ATAT1: variants seen among roughly 807,000 people sequenced by gnomAD.
The protein encoded by ATAT1 is alpha tubulin acetyltransferase 1.
In ATAT1, 42 loss-of-function variants were observed where a neutral mutation model predicts 57.2. The ratio of observed to expected loss-of-function variants is 0.73; its 90% CI spans 0.57 to 0.95. The LOEUF is 0.95. Among genes scored for constraint, ATAT1 ranks in the 40% least tolerant of loss-of-function variants. The pLI, the probability that ATAT1 is intolerant of heterozygous loss-of-function variation, is 0.00. For synonymous variants in ATAT1, 168 were observed against 187.1 expected, an observed-to-expected ratio of 0.90 and a Z score of 0.83; for missense variants, 454 against 523.7, an observed-to-expected ratio of 0.87 and a Z score of 1.30.
intron 6 of ATAT1, among the ~76,000 whole-genome samples, chr6:30,631,819 C>G (rs1762944774): frequency 6.6e-6 from 1 of 152,122 alleles, no homozygotes; most frequent in Middle Eastern, 3.4e-3. Flanking sequence ...CAAGAAATAT[C>G]TGGAGAGAGA....
chr6:30,642,016 T>G, intron 8 of ATAT1, 160 bp from the exon 9 acceptor site: 1 of 1,501,840 alleles, frequency 6.7e-7, no homozygotes, highest in Non-Finnish European at 8.9e-7. Flanking sequence ...CAAATTCCCT[T>G]TTGGTGTGCT....
intron 9 of ATAT1, 21 bp downstream of exon 9, chr6:30,642,268 G>A: frequency 6.2e-7 from 1 of 1,614,096 alleles, no homozygotes; most frequent in Non-Finnish European, 8.5e-7. Flanking sequence ...CAAGGGTCGG[G>A]TGTCTGGGCC....
chr6:30,642,681 CTT>C lies in ATAT1; in HGVS notation c.689-81_689-80del, dbSNP rs1301630014. On this transcript the variant is annotated intron_variant, in intron 9 of 12. Coordinates refer to ENST00000330083, the MANE Select transcript of ATAT1 (RefSeq NM_001031722.4). ...AAAAAAAAGAAAGACTCAGATTTCTCTTTTTTTCTACCAAAACCTTTGCTGTC... is the reference window on the plus strand; with the variant it reads ...AAAAAAAAGAAAGACTCAGATTTCTCTTTTTCTACCAAAACCTTTGCTGTC... 2.6e-5 allele frequency: 22 copies of C among 861,256 alleles called. 1 individual carries two copies. Among genetic ancestry groups the C allele is most frequent in the Middle Eastern group, 2.7e-4 (1 of 3,684 alleles). The allele number at this position is 861,256 out of a possible 1,614,324, so 53.4% of individuals were successfully genotyped here. A position where few individuals can be genotyped will look rare whatever the true frequency, so the allele number is the denominator to read the frequency against.
intron 6 of ATAT1, among the ~76,000 whole-genome samples, chr6:30,632,828 T>G (rs2127501471): frequency 6.6e-6 from 1 of 151,352 alleles, no homozygotes; most frequent in Non-Finnish European, 1.5e-5. Flanking sequence ...TCCCAGCTAC[T>G]CGGGAGACTG....
chr6:30,646,263 T>G (rs1035299855), intron 12 of ATAT1, 154 bp downstream of exon 12: 1 of 1,459,092 alleles, frequency 6.9e-7, no homozygotes, highest in Non-Finnish European at 9.1e-7. Flanking sequence ...TGCAAGCCCC[T>G]TTCCCCCACA....
intron 8 of ATAT1, among the ~76,000 whole-genome samples, chr6:30,641,128 C>A (rs998291882): frequency 6.6e-6 from 1 of 152,022 alleles, no homozygotes; most frequent in Non-Finnish European, 1.5e-5. Context: ...CACACACACA[C>A]ACACACACAA....
rs1766353877 is a variant in ATAT1, at chr6:30,644,864, G to A, written c.933-1031G>A. Among the ~76,000 whole-genome samples the A allele has an allele frequency of 5.3e-5, 8 of 152,240 alleles. No individual in the cohort carries two copies. In the South Asian group the frequency reaches 1.7e-3, roughly 32 times the overall value. ...CTGCAGATTCTGTGTCTCCTTTCATGTAGGTGCTGGATCCCTGTGTGTGGG... is the reference window on the plus strand; with the variant it reads ...CTGCAGATTCTGTGTCTCCTTTCATATAGGTGCTGGATCCCTGTGTGTGGG... On this transcript the variant is annotated intron_variant, in intron 10 of 12. Coordinates refer to ENST00000330083, the MANE Select transcript of ATAT1 (RefSeq NM_001031722.4).
chr6:30,626,886 A>G lies in ATAT1; in HGVS notation c.-318A>G. On this transcript the variant is annotated 5_prime_UTR_variant, in exon 1 of 13. Coordinates refer to ENST00000330083, the MANE Select transcript of ATAT1 (RefSeq NM_001031722.4). ...CGGGTCCGACCGCGCACAATGGGCC[A>G]TGGAGTTCCCGTTCGATGTGGACGC... The G allele has an allele frequency of 1.2e-6, 2 of 1,606,078 alleles. No homozygotes were observed. The highest frequency in any genetic ancestry group is 1.7e-6 in the Non-Finnish European group (2 of 1,177,224).
intron 6 of ATAT1, among the ~76,000 whole-genome samples, chr6:30,636,711 T>C (rs1764171822): frequency 6.6e-6 from 1 of 152,042 alleles, no homozygotes; most frequent in Non-Finnish European, 1.5e-5. Context: ...CTGGTAGACA[T>C]TACAACAAGG....
In ATAT1 at chr6:30,646,474, C is replaced by T. The variant is rs1766758644; in HGVS notation, c.1061C>T (p.Ala354Val). Residue 354 changes from alanine to valine, a missense_variant, in exon 13 of 13, where the codon GCC (alanine) becomes GTC (valine). Transcript: ENST00000330083. Reference sequence around the variant, plus strand: ...TCCATCTCCCCACCTACCAGGTCTGCCAGTGAGGAGCAGGCCTTGTCACAG... The same window carrying T: ...TCCATCTCCCCACCTACCAGGTCTGTCAGTGAGGAGCAGGCCTTGTCACAG... 2 of 1,579,080 alleles carry T rather than the reference C, an allele frequency of 1.3e-6. No homozygotes were observed. The highest frequency in any genetic ancestry group is 1.8e-5 in the Admixed American group (1 of 55,148).
At position 30,642,832 on chromosome 6, in the gene ATAT1, A is replaced by AGGGGGGGC; in HGVS notation, c.754_755insGGGGGGCG (p.Ala252GlyfsTer70). ...GGGCCCCTCGCCGCGCCACACCTCC[A>AGGGGGGGC]GCCCACCCACCCCCCCGCTCCAGCA... On this transcript the variant is annotated frameshift_variant, in exon 10 of 13. Transcript: ENST00000330083. LOFTEE classifies it high-confidence loss of function. The AGGGGGGGC allele has an allele frequency of 4.2e-5, 52 of 1,230,614 alleles. No homozygotes were observed. The highest frequency in any genetic ancestry group is 6.7e-5 in the East Asian group (2 of 29,670). 76.2% of individuals were successfully genotyped at this position (1,230,614 alleles called of 1,614,324 possible).
rs769722861 is a variant in ATAT1 at position 30,628,339 on chromosome 6, T to C, written c.410T>C (p.Val137Ala). The change falls in exon 6 of 13, where the codon GTG becomes GCG. Residue 137 changes from valine (V) to alanine (A), a missense_variant. Physicochemically the swap from Val to Ala is moderately conservative, Grantham distance 64 (BLOSUM62 0). This residue lies in a region of ATAT1 where 236 missense variants were observed against 284.5 expected (regional missense o/e 0.83). Transcript: ENST00000330083. ...TCCTTTTCCCTGCAGAAGGAGCGAG[T>C]GGAACCGCACCAACTGGCAATTGAC... is the stretch of plus-strand genomic sequence containing the variant. The C allele has an allele frequency of 1.2e-6, 2 of 1,612,892 alleles. No homozygotes were observed. The highest frequency in any genetic ancestry group is 2.2e-5 in the South Asian group (2 of 91,076).
In ATAT1 at chr6:30,627,630, C is replaced by T; in HGVS notation, c.133-6C>T. On this transcript the variant is annotated splice_polypyrimidine_tract_variant and splice_region_variant and intron_variant, in intron 2 of 12. Transcript: ENST00000330083. ...TGCAGAAAGTCTGACTTAATCTTCC[C>T]TGCAGGCCCAGAATCTTTCCGCTCC... 1.2e-6 allele frequency: 2 copies of T among 1,612,882 alleles called. No homozygotes were observed. Among genetic ancestry groups the T allele is most frequent in the Admixed American group, 1.7e-5 (1 of 60,004 alleles).
At chr6:30,636,354 G>A (rs1460553884) in intron 6 of ATAT1, among the ~76,000 whole-genome samples, 2 of 152,136 alleles carry the variant, frequency 1.3e-5, no homozygotes, top group African/African-American at 2.4e-5. Flanking sequence ...GGAGGCCAAG[G>A]TAGGCGGATC....
chr6:30,642,651 A>G, intron 9 of ATAT1, 117 bp from the exon 10 acceptor site: 1 of 633,318 alleles, frequency 1.6e-6, no homozygotes, highest in Non-Finnish European at 2.6e-6. Flanking sequence ...TCAAAAAAGA[A>G]AAAAAAAAAA....
Position 30,627,085 on chromosome 6 carries a change from C to T in ATAT1, c.-119C>T. ...CGCCCCCTTCTCACTGACTAGTGAT[C>T]GCCCCTTTTGATGTCCAGGCCTGCC... On this transcript the variant is annotated 5_prime_UTR_variant, in exon 1 of 13. Transcript: ENST00000330083. 4 of 1,554,568 alleles carry T rather than the reference C, an allele frequency of 2.6e-6. No homozygotes were observed. The highest frequency in any genetic ancestry group is 3.9e-5 in the Admixed American group (2 of 51,332).
chr6:30,642,920 C>T lies in ATAT1; in HGVS notation c.841C>T (p.Arg281Cys). The T allele has an allele frequency of 6.2e-7, 1 of 1,603,254 alleles. No homozygotes were observed. The highest frequency in any genetic ancestry group is 8.5e-7 in the Non-Finnish European group (1 of 1,174,322). ...CTTTGTGCCAGAGCAGGAGCTGCTG[C>T]GTTCCTTGCGCCTCTGCCCCCCACA... Residue 281 changes from arginine to cysteine, a missense_variant, in exon 10 of 13, where the codon CGT becomes TGT. By Grantham distance (180) the Arg-to-Cys change is radical. Transcript: ENST00000330083.
In ATAT1 at chr6:30,645,934, C is replaced by G; in HGVS notation, c.972C>G (p.Tyr324Ter). The change falls in exon 11 of 13, where the codon TAC becomes TAG. Residue 324 changes from tyrosine (Y) to a stop codon, truncating the protein, a stop_gained. Transcript: ENST00000330083. LOFTEE classifies it high-confidence loss of function. ...GTCTGGTAGCCCAAAGCTGCTGCTA[C>G]AGCCGCCATGGGGGGGTGAATTCCT... is the stretch of plus-strand genomic sequence containing the variant. 6.5e-7 allele frequency: 1 copy of G among 1,527,808 alleles called. No homozygotes were observed. Among genetic ancestry groups the G allele is most frequent in the Non-Finnish European group, 8.8e-7 (1 of 1,137,146 alleles). The allele number at this position is 1,527,808 out of a possible 1,614,324, so 94.6% of individuals were successfully genotyped here. A position where few individuals can be genotyped will look rare whatever the true frequency, so the allele number is the denominator to read the frequency against.
intron 9 of ATAT1, among the ~76,000 whole-genome samples, chr6:30,642,481 A>G (rs187596936): frequency 1.2e-4 from 18 of 152,026 alleles, no homozygotes; most frequent in African/African-American, 3.9e-4. Context: ...CGTCTCTACT[A>G]AAAATACAAA....
Sources: gnomAD v4.1 joint callset for allele counts (sites outside exome capture counted in the v4.1 genomes callset) on GRCh38, gnomAD v4.1.1 for gene constraint, gnomAD v4.1.1 regional missense constraint, MANE v1.5 for transcripts, NCBI Gene and HGNC (gene_info 2026-07-23, HGNC 2026-07-21) for gene names.